Variants in VWA3B observed in about 807,000 individuals in gnomAD.
VWA3B encodes von Willebrand factor A domain-containing protein 3B.
In VWA3B, 138 loss-of-function variants were observed where a neutral mutation model predicts 158.3. The observed-to-expected ratio is 0.87, with a 90% CI of 0.76 to 1.00. The LOEUF (loss-of-function observed/expected upper bound fraction) is 1.00, where lower values mean the gene tolerates loss of function less well. Ranked by LOEUF, VWA3B falls within the 50% of genes least tolerant of loss-of-function variation. The pLI, the probability that VWA3B is intolerant of heterozygous loss-of-function variation, is 0.00. For synonymous variants in VWA3B, 596 were observed against 587.3 expected (o/e 1.01, Z -0.21); for missense variants, 1,555 against 1,565.1 (o/e 0.99, Z 0.11).
In VWA3B at chr2:98,188,202, C is replaced by T. The variant is rs1681281995; in HGVS notation, c.1466+73C>T. The T allele has an allele frequency of 2.6e-6, 4 of 1,538,254 alleles. No individual in the cohort carries two copies. The South Asian group carries it at 5.1e-5, about 20-fold the overall frequency. ...ATTCTCATCTGCTTGATCTTTTTTC[C>T]TCCCTTTTATTTTTAGTTGACACAT... On this transcript the variant is annotated intron_variant, in intron 10 of 27. Coordinates refer to ENST00000477737, the MANE Select transcript of VWA3B (RefSeq NM_144992.5).
chr2:98,109,117 C>T (rs1365357844), intron 2 of VWA3B, among the ~76,000 whole-genome samples: 11 of 151,700 alleles, frequency 7.3e-5, no homozygotes, highest in Non-Finnish European at 1.5e-4. Context: ...CTCAGCCTTC[C>T]GAGTAGCTGG....
intron 22 of VWA3B, among the ~76,000 whole-genome samples, chr2:98,288,182 T>C (rs1689275863): frequency 6.6e-6 from 1 of 152,224 alleles, no homozygotes; most frequent in African/African-American, 2.4e-5. Flanking sequence ...GTTTGTTGAA[T>C]TTTTTATTGT....
chr2:98,111,005 A>G (rs1309999908), intron 2 of VWA3B, among the ~76,000 whole-genome samples: 1 of 152,214 alleles, frequency 6.6e-6, no homozygotes, highest in African/African-American at 2.4e-5. Flanking sequence ...AGGGCTCCCC[A>G]GCCACATGGG....
rs771046014 is a variant in VWA3B, at chr2:98,270,752, A to G, written c.2914A>G (p.Asn972Asp). Reference sequence around the variant, plus strand: ...TTTAAACCAGGCTTTAGAACGGTTGAATTGGCCCATTTCACTGAAAGAGCT... The same window carrying G: ...TTTAAACCAGGCTTTAGAACGGTTGGATTGGCCCATTTCACTGAAAGAGCT... ...TVLNQALERLNWPISLKELSM... is the reference protein window; with the variant it reads ...TVLNQALERLDWPISLKELSM... Residue 972 changes from asparagine (N) to aspartate (D), a missense_variant, in exon 22 of 28, where the codon AAT becomes GAT. Physicochemically the swap from Asn to Asp is conservative, Grantham distance 23. Coordinates refer to ENST00000477737, the MANE Select transcript of VWA3B (RefSeq NM_144992.5). The G allele has an allele frequency of 2.5e-6, 4 of 1,614,226 alleles. No homozygotes were observed. The highest frequency in any genetic ancestry group is 3.4e-6 in the Non-Finnish European group (4 of 1,180,020).
At chr2:98,088,096 G>A (rs1374430049) in intron 1 of VWA3B, among the ~76,000 whole-genome samples, 1 of 152,192 alleles carries the variant, frequency 6.6e-6, no homozygotes, top group Non-Finnish European at 1.5e-5. Context: ...GGAGGTTTAA[G>A]GGTTTCTGGG....
chr2:98,246,798 A>G (rs904864704), intron 19 of VWA3B, among the ~76,000 whole-genome samples: 2 of 152,116 alleles, frequency 1.3e-5, no homozygotes, highest in Non-Finnish European at 2.9e-5. Flanking sequence ...TTTTAATACT[A>G]TGTTTTTGAG....
chr2:98,096,144 T>A (rs1682691138), intron 2 of VWA3B, among the ~76,000 whole-genome samples: 2 of 152,366 alleles, frequency 1.3e-5, no homozygotes, highest in Non-Finnish European at 2.9e-5. Flanking sequence ...AGAATGGATT[T>A]GGAAATATTC....
chr2:98,275,552 A>G lies in VWA3B; in HGVS notation c.3045+4669A>G, dbSNP rs538648895. 2.6e-5 allele frequency among the ~76,000 whole-genome samples: 4 copies of G among 152,380 alleles called. No individual in the cohort carries two copies. In the South Asian group the frequency reaches 8.3e-4, roughly 32 times the overall value. ...GGAAGATGGCAGTGCTGAGATTTGCATTCCAGTCCACCTGACTTCAAATAA... is the reference window on the plus strand; with the variant it reads ...GGAAGATGGCAGTGCTGAGATTTGCGTTCCAGTCCACCTGACTTCAAATAA... On this transcript the variant is annotated intron_variant, in intron 22 of 27. Transcript: ENST00000477737.
At chr2:98,161,018 C>T (rs923180175) in intron 7 of VWA3B, among the ~76,000 whole-genome samples, 2 of 152,190 alleles carry the variant, frequency 1.3e-5, no homozygotes, top group Non-Finnish European at 2.9e-5. Flanking sequence ...CCTAGTCTGC[C>T]TTGTTGGCTT....
intron 7 of VWA3B, among the ~76,000 whole-genome samples, chr2:98,135,581 C>A (rs538751222): frequency 6.6e-6 from 1 of 151,774 alleles, no homozygotes; most frequent in African/African-American, 2.4e-5. Context: ...GTGATCCGCC[C>A]GCCTCGGCCT....
downstream of VWA3B, among the ~76,000 whole-genome samples, chr2:98,315,375 A>G (rs923894657): frequency 1.2e-4 from 18 of 152,348 alleles, no homozygotes; most frequent in Admixed American, 1.0e-3. Context: ...TGGCCACCCT[A>G]TATAATAGGC....
rs1442072895 is a variant in VWA3B at position 98,188,205 on chromosome 2, C to T, written c.1466+76C>T. 9.1e-6 allele frequency: 14 copies of T among 1,534,426 alleles called. No individual in the cohort carries two copies. In the East Asian group the frequency reaches 3.0e-4, roughly 33 times the overall value. On this transcript the variant is annotated intron_variant, in intron 10 of 27. Transcript: ENST00000477737. ...CTCATCTGCTTGATCTTTTTTCCTC[C>T]CTTTTATTTTTAGTTGACACATAAT...
chr2:98,294,962 C>T (rs1391284931), intron 23 of VWA3B, among the ~76,000 whole-genome samples: 1 of 152,150 alleles, frequency 6.6e-6, no homozygotes, highest in African/African-American at 2.4e-5. Context: ...TTTGTTAATT[C>T]CATGGAAAGA....
At chr2:98,153,123 C>T (rs753549736) in intron 7 of VWA3B, among the ~76,000 whole-genome samples, 22 of 152,356 alleles carry the variant, frequency 1.4e-4, no homozygotes, top group Admixed American at 2.6e-4. Flanking sequence ...CTGGCTTCAT[C>T]TCCTCTCAGC....
chr2:98,206,584 C>T, intron 12 of VWA3B: 1 of 474,482 alleles, frequency 2.1e-6, no homozygotes, highest in Non-Finnish European at 4.2e-6. Context: ...GAATCATGAA[C>T]ATCATTGGAG....
intron 26 of VWA3B, among the ~76,000 whole-genome samples, chr2:98,306,979 G>A (rs2106010308): frequency 6.6e-6 from 1 of 152,228 alleles, no homozygotes; most frequent in South Asian, 2.1e-4. Flanking sequence ...TCTATAATAA[G>A]GGCTAGCAGA....
At chr2:98,281,690 G>C (rs559986585) in intron 22 of VWA3B, among the ~76,000 whole-genome samples, 2 of 152,006 alleles carry the variant, frequency 1.3e-5, no homozygotes, top group Non-Finnish European at 2.9e-5. Flanking sequence ...ATTAAGTCAC[G>C]AAATGAAAAG....
chr2:98,270,760 C>T lies in VWA3B; in HGVS notation c.2922C>T (p.Pro974=), dbSNP rs1349308558. ...LNQALERLNW[P]ISLKELSMLE... ...AGGCTTTAGAACGGTTGAATTGGCC[C>T]ATTTCACTGAAAGAGCTGTCGATGC... Residue 974 remains proline, a synonymous_variant, in exon 22 of 28, where the codon CCC becomes CCT. Coordinates refer to ENST00000477737, the MANE Select transcript of VWA3B (RefSeq NM_144992.5). 1 of 1,614,138 alleles carries T rather than the reference C, an allele frequency of 6.2e-7. No homozygotes were observed. Among genetic ancestry groups the T allele is most frequent in the African/African-American group, 1.3e-5 (1 of 75,034 alleles).
chr2:98,237,923 T>C (rs1354255112), intron 19 of VWA3B, among the ~76,000 whole-genome samples: 1 of 152,184 alleles, frequency 6.6e-6, no homozygotes, highest in Non-Finnish European at 1.5e-5. Flanking sequence ...ACGTTGATCA[T>C]TGTAGCATTT....
Sources: gnomAD v4.1 joint callset for allele counts (sites outside exome capture counted in the v4.1 genomes callset) on GRCh38, gnomAD v4.1.1 for gene constraint, MANE v1.5 for transcripts, NCBI Gene and HGNC (gene_info 2026-07-23, HGNC 2026-07-21) for gene names.